The following GIT1 variants were observed in gnomAD, a reference collection of about 807,000 sequenced individuals.
GIT1 encodes ARF GTPase-activating protein GIT1.
GIT1 carries 14 observed loss-of-function variants against 91.7 expected under a neutral mutation model. The ratio of observed to expected loss-of-function variants is 0.15; its 90% CI spans 0.10 to 0.24. The LOEUF is 0.24. Ranked by LOEUF, GIT1 falls within the 10% of genes least tolerant of loss-of-function variation. GIT1 has a pLI of 1.00. For missense variants in GIT1, 717 were observed against 1,024.9 expected (o/e 0.70, Z 4.10); for synonymous variants, 414 against 418.2 (o/e 0.99, Z 0.12).
At chr17:29,583,822 G>A in intron 1 of GIT1, 1 of 600,798 alleles carries the variant, frequency 1.7e-6, no homozygotes, top group East Asian at 2.8e-5. Context: ...ACAGAGCCAT[G>A]CCCTTTCCTA....
chr17:29,581,551 CACCCCCACTCCCTA>C lies in GIT1; in HGVS notation c.718+177_719-172del. 4 of 703,384 alleles carry C rather than the reference CACCCCCACTCCCTA, an allele frequency of 5.7e-6. No homozygotes were observed. The highest frequency in any genetic ancestry group is 1.0e-5 in the Non-Finnish European group (4 of 398,102). The allele number at this position is 703,384 out of a possible 1,614,324, so 43.6% of individuals were successfully genotyped here. On this transcript the variant is annotated intron_variant, in intron 6 of 19. Transcript: ENST00000225394. The surrounding 1 kb of genome is among the most constrained non-coding windows in gnomAD (Gnocchi z 4.8). ...AGCTCGTGGGAGGATGCAGGATGCC[CACCCCCACTCCCTA>C]GCCCCAGCGATGCTATGGCCCAGAG... is the stretch of plus-strand genomic sequence containing the variant.
intron 1 of GIT1, among the ~76,000 whole-genome samples, chr17:29,588,871 C>T (rs1289818921): frequency 1.3e-5 from 2 of 152,204 alleles, no homozygotes; most frequent in African/African-American, 4.8e-5. Context: ...TCCTTGCCCT[C>T]CACCACCCCG....
At chr17:29,577,621 A>G (rs751955249) in intron 10 of GIT1, 24 bp downstream of exon 10, 16 of 1,466,478 alleles carry the variant, frequency 1.1e-5, no homozygotes, top group Non-Finnish European at 1.5e-5. Context: ...AGACCACCCC[A>G]GGCCCCCAAT....
chr17:29,579,719 A>G (rs917902779), intron 7 of GIT1, among the ~76,000 whole-genome samples: 15 of 151,762 alleles, frequency 9.9e-5, no homozygotes, highest in African/African-American at 3.6e-4. Context: ...CGAGACCCCA[A>G]CTCTTAAAAA....
chr17:29,577,277 C>A, intron 10 of GIT1, 30 bp from the exon 11 acceptor site: 1 of 1,577,806 alleles, frequency 6.3e-7, no homozygotes, highest in Non-Finnish European at 8.7e-7. Flanking sequence ...AGGCTGGCTT[C>A]AGGGGACCCC....
intron 1 of GIT1, among the ~76,000 whole-genome samples, chr17:29,588,877 C>G (rs2033696130): frequency 6.6e-6 from 1 of 152,226 alleles, no homozygotes; most frequent in Non-Finnish European, 1.5e-5. Context: ...CCCTCCACCA[C>G]CCCGGCAGGC....
At chr17:29,582,629 A>G (rs2033440227) in intron 4 of GIT1, 69 bp downstream of exon 4, 2 of 1,059,348 alleles carry the variant, frequency 1.9e-6, no homozygotes, top group Admixed American at 1.8e-5. Context: ...GACAAAGGAG[A>G]GGCCTTCAGA....
chr17:29,589,438 C>T lies in GIT1; in HGVS notation c.-60G>A. The T allele has an allele frequency of 1.3e-6, 1 of 746,484 alleles. No individual in the cohort carries two copies. The highest frequency in any genetic ancestry group is 1.9e-5 in the African/African-American group (1 of 51,978). 46.2% of individuals were successfully genotyped at this position (746,484 alleles called of 1,614,324 possible). A position where few individuals can be genotyped will look rare whatever the true frequency, so the allele number is the denominator to read the frequency against. Reference sequence around the variant, plus strand: ...AGCGTGGGGGGCGCGGGCGGCGGGCCCGGGCGGCGGCGGCGGCCCCTGCTG... The same window carrying T: ...AGCGTGGGGGGCGCGGGCGGCGGGCTCGGGCGGCGGCGGCGGCCCCTGCTG... On this transcript the variant is annotated 5_prime_UTR_variant, in exon 1 of 20. Transcript: ENST00000225394. The surrounding 1 kb of genome is among the most constrained non-coding windows in gnomAD (Gnocchi z 5.2).
intron 7 of GIT1, among the ~76,000 whole-genome samples, chr17:29,580,137 T>C (rs114922844): frequency 0.023 from 3,501 of 152,290 alleles, 51 homozygotes; most frequent in Middle Eastern, 0.082. Context: ...CCCAGCTAGA[T>C]TGTGAGCTCC....
rs2033169845 is a variant in GIT1, at chr17:29,575,753, C to A, written c.1753-50G>T. On this transcript the variant is annotated intron_variant, in intron 16 of 19. Coordinates refer to ENST00000225394, the MANE Select transcript of GIT1 (RefSeq NM_014030.4). The surrounding 1 kb of genome is among the most constrained non-coding windows in gnomAD (Gnocchi z 5.5). ...TGAGCGCCGTGTTCCTGGACCCACA[C>A]TGCCCCTAGCCCACACGGCCCCCAG... The A allele has an allele frequency of 1.3e-6, 2 of 1,599,668 alleles. No homozygotes were observed. The highest frequency in any genetic ancestry group is 1.1e-5 in the South Asian group (1 of 90,956).
Position 29,589,148 on chromosome 17 carries a change from G to T in GIT1, c.52+179C>A, listed in dbSNP as rs963336607. Reference sequence around the variant, plus strand: ...GCCTCCAGGGAGCATGGGCACCCCAGGCCGGCCCTCCCGCCAAGGGCGCAG... The same window carrying T: ...GCCTCCAGGGAGCATGGGCACCCCATGCCGGCCCTCCCGCCAAGGGCGCAG... On this transcript the variant is annotated intron_variant, in intron 1 of 19. Coordinates refer to ENST00000225394, the MANE Select transcript of GIT1 (RefSeq NM_014030.4). The surrounding 1 kb of genome is among the most constrained non-coding windows in gnomAD (Gnocchi z 5.2). 1.4e-4 allele frequency among the ~76,000 whole-genome samples: 21 copies of T among 151,952 alleles called. No homozygotes were observed. Among genetic ancestry groups the T allele is most frequent in the Non-Finnish European group, 7.4e-5 (5 of 67,900 alleles).
Position 29,574,852 on chromosome 17 carries a change from C to T in GIT1, c.2136G>A (p.Leu712=). Reference sequence around the variant, plus strand: ...GCACTGTCTTCCGGCACTCACTCTGCAGCCGGTAGGCGCTGGCGTTGAGCA... The same window carrying T: ...GCACTGTCTTCCGGCACTCACTCTGTAGCCGGTAGGCGCTGGCGTTGAGCA... ...LRLLNASAYR[L]QSECRKTVPP... The change falls in exon 20 of 20, where the codon CTG becomes CTA. Residue 712 remains leucine (L), a synonymous_variant. Coordinates refer to ENST00000225394, the MANE Select transcript of GIT1 (RefSeq NM_014030.4). 3 of 1,601,224 alleles carry T rather than the reference C, an allele frequency of 1.9e-6. No individual in the cohort carries two copies. Among genetic ancestry groups the T allele is most frequent in the Non-Finnish European group, 2.6e-6 (3 of 1,176,304 alleles).
chr17:29,578,446 G>A, intron 8 of GIT1, 75 bp from the exon 9 acceptor site: 2 of 1,389,142 alleles, frequency 1.4e-6, no homozygotes, highest in Non-Finnish European at 1.0e-6. Flanking sequence ...CCAGCATGTT[G>A]TGAGCCTTGG....
intron 10 of GIT1, 114 bp from the exon 11 acceptor site, chr17:29,577,361 G>C: frequency 1.2e-6 from 1 of 846,318 alleles, no homozygotes. Context: ...CCCAGCTAAA[G>C]CGTCCCAGCC....
chr17:29,581,486 G>A lies in GIT1; in HGVS notation c.719-106C>T. 2.1e-6 allele frequency: 2 copies of A among 939,010 alleles called. No homozygotes were observed. Among genetic ancestry groups the A allele is most frequent in the Non-Finnish European group, 3.5e-6 (2 of 577,134 alleles). The allele number at this position is 939,010 out of a possible 1,614,324, so 58.2% of individuals were successfully genotyped here. ...CAGGGCTGGCACCCAGAAGTGTCAG[G>A]GGAAAGTGGGGAGGGCAGGCCACCC... On this transcript the variant is annotated intron_variant, in intron 6 of 19. Coordinates refer to ENST00000225394, the MANE Select transcript of GIT1 (RefSeq NM_014030.4). The surrounding 1 kb of genome is among the most constrained non-coding windows in gnomAD (Gnocchi z 4.8).
At position 29,574,880 on chromosome 17, in the gene GIT1, C is replaced by T. The variant is rs2033130349; in HGVS notation, c.2108G>A (p.Arg703Gln). Residue 703 changes from arginine (R) to glutamine (Q), a missense_variant, in exon 20 of 20, where the codon CGG becomes CAG. This residue lies in a region of GIT1 where 134 missense variants were observed against 223.8 expected (regional missense o/e 0.60). Coordinates refer to ENST00000225394, the MANE Select transcript of GIT1 (RefSeq NM_014030.4). ...PALEPVRSSL[R>Q]LLNASAYRLQ... ...CCGGTAGGCGCTGGCGTTGAGCAGC[C>T]GCAGTGAGCTCCGCACTGGCTCCAG... 4 of 1,579,516 alleles carry T rather than the reference C, an allele frequency of 2.5e-6. No homozygotes were observed. Among genetic ancestry groups the T allele is most frequent in the Non-Finnish European group, 3.4e-6 (4 of 1,165,958 alleles).
At position 29,574,828 on chromosome 17, in the gene GIT1, C is replaced by T; in HGVS notation, c.2160G>A (p.Val720=). Residue 720 remains valine, a synonymous_variant, in exon 20 of 20, where the codon GTG becomes GTA. Coordinates refer to ENST00000225394, the MANE Select transcript of GIT1 (RefSeq NM_014030.4). ...YRLQSECRKT[V]PPEPGAPVDF... The stretch of plus-strand genomic sequence containing the variant: ...CCACTGGGGCGCCGGGCTCTGGGGG[C>T]ACTGTCTTCCGGCACTCACTCTGCA... 1.2e-6 allele frequency: 2 copies of T among 1,608,966 alleles called. No homozygotes were observed. Among genetic ancestry groups the T allele is most frequent in the East Asian group, 2.2e-5 (1 of 44,856 alleles).
Position 29,575,701 on chromosome 17 carries a change from G to C in GIT1, c.1755C>G (p.Ser585Arg). 1 of 1,612,328 alleles carries C rather than the reference G, an allele frequency of 6.2e-7. No homozygotes were observed. The highest frequency in any genetic ancestry group is 8.5e-7 in the Non-Finnish European group (1 of 1,179,932). Residue 585 changes from serine (S) to arginine (R), a missense_variant and splice_region_variant, in exon 17 of 20, where the codon AGC (serine) becomes AGG (arginine). By Grantham distance (110) the Ser-to-Arg change is moderately radical (BLOSUM62 -1). Around this residue, in one of 3 missense-constraint regions of GIT1, gnomAD observed 312 missense variants for 349.5 expected, o/e 0.89. Coordinates refer to ENST00000225394, the MANE Select transcript of GIT1 (RefSeq NM_014030.4). This position sits in a 1 kb window ranked among gnomAD's most constrained non-coding sequence, Gnocchi z 5.5. ...CTCCACTGCCGTGGCGGGAAAGCTT[G>C]CTCTGGAGGGCGGAGGGAAGGGGCT... ...SCSQEGSRHT[S>R]KLSRHGSGAD...
In GIT1 at chr17:29,574,478, G is replaced by A. The variant is rs903566710; in HGVS notation, c.*224C>T. The A allele has an allele frequency of 1.1e-5, 7 of 609,026 alleles. No individual in the cohort carries two copies. Among genetic ancestry groups the A allele is most frequent in the African/African-American group, 5.5e-5 (3 of 54,552 alleles). The allele number at this position is 609,026 out of a possible 1,614,324, so 37.7% of individuals were successfully genotyped here. On this transcript the variant is annotated 3_prime_UTR_variant, in exon 20 of 20. Transcript: ENST00000225394. ...AGGGGGGAGATGCTATATACAGAGG[G>A]GAGGTGCATGGAATGTGGGGGACAG...
Sources: allele counts gnomAD v4.1 joint callset (sites outside exome capture counted in the v4.1 genomes callset), GRCh38; gene constraint gnomAD v4.1.1; regional missense constraint gnomAD v4.1.1; non-coding constraint Gnocchi (gnomAD v3.1); transcripts MANE v1.5; gene names NCBI Gene and HGNC (gene_info 2026-07-23, HGNC 2026-07-21).